The following EYA4 variants were observed in gnomAD, a reference collection of about 807,000 sequenced individuals.
EYA4 encodes the protein protein phosphatase EYA4.
A neutral mutation model predicts 87.9 loss-of-function variants in EYA4; 31 were observed. The observed-to-expected ratio is 0.35, with a 90% CI of 0.27 to 0.48. The LOEUF (loss-of-function observed/expected upper bound fraction) is 0.48. Ranked by LOEUF, EYA4 falls within the 20% of genes least tolerant of loss-of-function variation. The pLI is 0.99. For synonymous variants in EYA4, 263 were observed against 270.6 expected (o/e 0.97, Z 0.28); for missense variants, 678 against 761.4 (o/e 0.89, Z 1.29).
intron 13 of EYA4, among the ~76,000 whole-genome samples, chr6:133,504,357 A>G (rs1798403403): frequency 1.3e-5 from 2 of 152,246 alleles, no homozygotes; most frequent in Non-Finnish European, 2.9e-5. Flanking sequence ...AAGCTACCGG[A>G]TGACATAATA....
intron 5 of EYA4, chr6:133,453,568 T>G (rs894669665): frequency 2.0e-5 from 3 of 152,114 alleles, no homozygotes; most frequent in Admixed American, 2.0e-4. Flanking sequence ...TTACTGCTTT[T>G]TATTTAGAAA....
intron 2 of EYA4, among the ~76,000 whole-genome samples, chr6:133,341,289 T>G (rs915871405): frequency 2.0e-5 from 3 of 152,214 alleles, no homozygotes; most frequent in Non-Finnish European, 4.4e-5. Context: ...CTTTTCCACT[T>G]ACCTTTAAAA....
intron 2 of EYA4, among the ~76,000 whole-genome samples, chr6:133,372,783 T>C (rs2128465873): frequency 6.6e-6 from 1 of 151,810 alleles, no homozygotes; most frequent in South Asian, 2.1e-4. Context: ...TCTACAGATA[T>C]ATAGAGATAT....
intron 6 of EYA4, among the ~76,000 whole-genome samples, chr6:133,460,601 C>T (rs1794294085): frequency 6.6e-6 from 1 of 151,938 alleles, no homozygotes; most frequent in South Asian, 2.1e-4. Context: ...AATTGTTCAT[C>T]TGATGGGTAA....
chr6:133,342,440 C>G (rs1782850966), intron 2 of EYA4, among the ~76,000 whole-genome samples: 1 of 148,504 alleles, frequency 6.7e-6, no homozygotes, highest in African/African-American at 2.5e-5. Context: ...GAAGGAAGCA[C>G]AGATTCAGAT....
chr6:133,500,384 G>A (rs1314975210), intron 13 of EYA4, among the ~76,000 whole-genome samples: 4 of 151,960 alleles, frequency 2.6e-5, no homozygotes, highest in South Asian at 2.1e-4. Context: ...TTTCCATAAC[G>A]CCTCTCTATC....
intron 2 of EYA4, among the ~76,000 whole-genome samples, chr6:133,284,894 A>G (rs1396563959): frequency 3.9e-5 from 6 of 152,166 alleles, no homozygotes; most frequent in African/African-American, 1.4e-4. Flanking sequence ...TCAGATAGTA[A>G]TAAGTGCAAG....
At chr6:133,301,088 C>T (rs936588231) in intron 2 of EYA4, among the ~76,000 whole-genome samples, 2 of 152,142 alleles carry the variant, frequency 1.3e-5, no homozygotes, top group Admixed American at 6.6e-5. Context: ...ACTGGCATAT[C>T]CATGTGAGTC....
intron 2 of EYA4, among the ~76,000 whole-genome samples, chr6:133,345,392 A>G (rs1783116498): frequency 6.6e-6 from 1 of 152,190 alleles, no homozygotes; most frequent in African/African-American, 2.4e-5. Context: ...CGTAGTAAGT[A>G]TGATGTATAT....
At chr6:133,251,267 C>T (rs541451612) in intron 1 of EYA4, among the ~76,000 whole-genome samples, 13 of 151,932 alleles carry the variant, frequency 8.6e-5, no homozygotes, top group African/African-American at 2.9e-4. Context: ...TTTTTTCAGC[C>T]GTAAGGTACC....
intron 2 of EYA4, among the ~76,000 whole-genome samples, chr6:133,368,575 T>C (rs901844233): frequency 6.6e-5 from 10 of 152,350 alleles, no homozygotes; most frequent in African/African-American, 2.4e-4. Context: ...CTTGAAAGTA[T>C]TTGGCTGCAA....
At chr6:133,482,032 G>T (rs1191699643) in intron 12 of EYA4, among the ~76,000 whole-genome samples, 1 of 152,092 alleles carries the variant, frequency 6.6e-6, no homozygotes, top group Non-Finnish European at 1.5e-5. Context: ...CTAAAAATAG[G>T]ACAAGTTTCA....
intron 2 of EYA4, among the ~76,000 whole-genome samples, chr6:133,360,979 G>C (rs923870825): frequency 6.6e-6 from 1 of 152,186 alleles, no homozygotes; most frequent in African/African-American, 2.4e-5. Flanking sequence ...CTGGAATATT[G>C]TGAACCTACT....
intron 2 of EYA4, among the ~76,000 whole-genome samples, chr6:133,381,193 A>G (rs1786188765): frequency 6.7e-6 from 1 of 149,252 alleles, no homozygotes; most frequent in Non-Finnish European, 1.5e-5. Context: ...TTTTATTTTC[A>G]TATTGTGTAA....
At chr6:133,306,657 T>C (rs1394147544) in intron 2 of EYA4, among the ~76,000 whole-genome samples, 1 of 152,224 alleles carries the variant, frequency 6.6e-6, no homozygotes, top group African/African-American at 2.4e-5. Flanking sequence ...AATCAGCAAA[T>C]TTAGATTCTC....
At chr6:133,288,052 C>T (rs1325914205) in intron 2 of EYA4, among the ~76,000 whole-genome samples, 22 of 152,110 alleles carry the variant, frequency 1.4e-4, no homozygotes, top group Non-Finnish European at 2.8e-4. Flanking sequence ...TCGCTGGAAC[C>T]CAGGAGTCGG....
intron 17 of EYA4, among the ~76,000 whole-genome samples, chr6:133,521,892 A>G (rs1800183771): frequency 7.0e-6 from 1 of 142,196 alleles, no homozygotes; most frequent in Admixed American, 7.1e-5. Context: ...GCATATTCTC[A>G]CTCATAGGTG....
chr6:133,368,922 A>G (rs909338242), intron 2 of EYA4, among the ~76,000 whole-genome samples: 3 of 152,210 alleles, frequency 2.0e-5, no homozygotes, highest in African/African-American at 7.2e-5. Context: ...GAAAATGAAA[A>G]TGACTTCAGT....
intron 2 of EYA4, among the ~76,000 whole-genome samples, chr6:133,340,745 A>G (rs1782719549): frequency 6.6e-6 from 1 of 152,188 alleles, no homozygotes; most frequent in Non-Finnish European, 1.5e-5. Context: ...CCTGTGGGCC[A>G]ATAAAGACCT....
Sources: allele counts gnomAD v4.1 joint callset (sites outside exome capture counted in the v4.1 genomes callset), GRCh38; gene constraint gnomAD v4.1.1; transcripts MANE v1.5; gene names NCBI Gene and HGNC (gene_info 2026-07-23, HGNC 2026-07-21).